The following GALK2 variants were observed in gnomAD, a reference collection of about 807,000 sequenced individuals.
GALK2 encodes N-acetylgalactosamine kinase.
In GALK2, 36 loss-of-function variants were observed where a neutral mutation model predicts 52.4. That is an observed-to-expected ratio of 0.69 (90% CI 0.53 to 0.91). The LOEUF (loss-of-function observed/expected upper bound fraction) is 0.91, where lower values mean the gene tolerates loss of function less well. Ranked by LOEUF, GALK2 falls within the 40% of genes least tolerant of loss-of-function variation. The pLI is 0.00. For synonymous variants in GALK2, 176 were observed against 199.1 expected, an observed-to-expected ratio of 0.88 and a Z score of 0.98; for missense variants, 579 against 559.1, an observed-to-expected ratio of 1.04 and a Z score of -0.36.
In GALK2 at chr15:49,328,818, C is replaced by G; in HGVS notation, c.*659C>G. Reference sequence around the variant, plus strand: ...AAAAGGAGGATACAGGAAGAAAATTCAGACTCATTTGAATATTTGTAAACC... The same window carrying G: ...AAAAGGAGGATACAGGAAGAAAATTGAGACTCATTTGAATATTTGTAAACC... On this transcript the variant is annotated 3_prime_UTR_variant, in exon 10 of 10. Coordinates refer to ENST00000560031, the MANE Select transcript of GALK2 (RefSeq NM_002044.4). The G allele has an allele frequency of 7.1e-7, 1 of 1,412,220 alleles. No individual in the cohort carries two copies. The highest frequency in any genetic ancestry group is 2.5e-5 in the East Asian group (1 of 39,854). The allele number at this position is 1,412,220 out of a possible 1,614,324, so 87.5% of individuals were successfully genotyped here.
chr15:49,292,577 C>A, intron 8 of GALK2, 40 bp downstream of exon 8: 1 of 1,511,642 alleles, frequency 6.6e-7, no homozygotes. Context: ...GTTATTCCCT[C>A]ACTTACAGCT....
chr15:49,328,455 A>T lies in GALK2; in HGVS notation c.*296A>T. On this transcript the variant is annotated 3_prime_UTR_variant, in exon 10 of 10. Coordinates refer to ENST00000560031, the MANE Select transcript of GALK2 (RefSeq NM_002044.4). ...ATTTTAAAGATGAATGGTAAAACACACTCTTAATACTGATTACATGGATTG... is the reference window on the plus strand; with the variant it reads ...ATTTTAAAGATGAATGGTAAAACACTCTCTTAATACTGATTACATGGATTG... The T allele has an allele frequency of 1.4e-6, 2 of 1,467,072 alleles. No individual in the cohort carries two copies. The highest frequency in any genetic ancestry group is 9.0e-7 in the Non-Finnish European group (1 of 1,109,224). 90.9% of individuals were successfully genotyped at this position (1,467,072 alleles called of 1,614,324 possible).
intron 1 of GALK2, among the ~76,000 whole-genome samples, chr15:49,171,095 T>C (rs200115855): frequency 0.058 from 8,731 of 149,270 alleles, 530 homozygotes; most frequent in African/African-American, 0.14. Flanking sequence ...TTTTTTTTTT[T>C]TTTTGAGACG....
chr15:49,226,033 T>C (rs2090113445), intron 3 of GALK2, among the ~76,000 whole-genome samples: 1 of 152,228 alleles, frequency 6.6e-6, no homozygotes, highest in Admixed American at 6.5e-5. Flanking sequence ...AAGTCAGCCC[T>C]GTTCTCTTGA....
intron 1 of GALK2, among the ~76,000 whole-genome samples, chr15:49,190,907 A>G (rs2086680867): frequency 6.6e-6 from 1 of 152,102 alleles, no homozygotes; most frequent in South Asian, 2.1e-4. Flanking sequence ...GTCTCTCTGA[A>G]TCTACTGTGA....
At chr15:49,191,135 A>G (rs2086694426) in intron 1 of GALK2, among the ~76,000 whole-genome samples, 1 of 152,178 alleles carries the variant, frequency 6.6e-6, no homozygotes, top group Non-Finnish European at 1.5e-5. Context: ...AAAGCAGAAA[A>G]AAGAACAAAA....
intron 7 of GALK2, 71 bp from the exon 8 acceptor site, chr15:49,292,256 T>G (rs539838055): frequency 7.4e-7 from 1 of 1,358,426 alleles, no homozygotes; most frequent in East Asian, 2.3e-5. Context: ...TAACGTTGAA[T>G]CTGGCTAATT....
chr15:49,291,446 A>G (rs1431390092), intron 7 of GALK2, among the ~76,000 whole-genome samples: 1 of 152,188 alleles, frequency 6.6e-6, no homozygotes, highest in Non-Finnish European at 1.5e-5. Context: ...AGAGTAAATC[A>G]GATGCACATT....
At chr15:49,354,994 C>A (rs1407836057) in intron 3 of GALK2, among the ~76,000 whole-genome samples, 2 of 151,284 alleles carry the variant, frequency 1.3e-5, no homozygotes, top group Non-Finnish European at 2.9e-5. Context: ...ACACCTCACA[C>A]GGCAGGGTAC....
chr15:49,254,808 G>A (rs1241203776), intron 5 of GALK2, among the ~76,000 whole-genome samples: 2 of 144,140 alleles, frequency 1.4e-5, no homozygotes, highest in African/African-American at 5.0e-5. Flanking sequence ...CCTATTGACA[G>A]CGATGTTACA....
At chr15:49,260,648 A>G (rs1274909446) in intron 5 of GALK2, among the ~76,000 whole-genome samples, 3 of 148,712 alleles carry the variant, frequency 2.0e-5, no homozygotes, top group South Asian at 2.2e-4. Context: ...GCCCATGCCT[A>G]TGTCCTGAAT....
chr15:49,159,837 G>C (rs1413803392), intron 1 of GALK2, among the ~76,000 whole-genome samples: 1 of 152,058 alleles, frequency 6.6e-6, no homozygotes, highest in Non-Finnish European at 1.5e-5. Flanking sequence ...CCCATTATCA[G>C]CTTTGATTGT....
chr15:49,296,748 TG>T (rs1367278571), intron 8 of GALK2, among the ~76,000 whole-genome samples: 1 of 152,054 alleles, frequency 6.6e-6, no homozygotes, highest in Non-Finnish European at 1.5e-5. Flanking sequence ...TATAGGCACC[TG>T]CCACTACGCC....
At position 49,285,908 on chromosome 15, in the gene GALK2, A is replaced by G. The variant is rs145943708; in HGVS notation, c.756+2190A>G. ...CCATATCACGACCTGGAGAGCCACC[A>G]TATCTGAGACCTGTGCACCTCATCC... On this transcript the variant is annotated intron_variant, in intron 7 of 9. Coordinates refer to ENST00000560031, the MANE Select transcript of GALK2 (RefSeq NM_002044.4). Among the ~76,000 whole-genome samples the G allele has an allele frequency of 4.6e-5, 7 of 152,264 alleles. No homozygotes were observed. The East Asian group carries it at 1.4e-3, about 29-fold the overall frequency.
At chr15:49,310,846 C>T (rs1450186120) in intron 8 of GALK2, among the ~76,000 whole-genome samples, 1 of 152,084 alleles carries the variant, frequency 6.6e-6, no homozygotes, top group Non-Finnish European at 1.5e-5. Context: ...GTTGTCTCTT[C>T]ACTCTATTGA....
chr15:49,187,329 G>A (rs1228374226), intron 1 of GALK2, among the ~76,000 whole-genome samples: 1 of 152,182 alleles, frequency 6.6e-6, no homozygotes, highest in Non-Finnish European at 1.5e-5. Flanking sequence ...GGAGTTAGGG[G>A]ATGGGAGACA....
chr15:49,180,103 A>G (rs905824562), intron 1 of GALK2, among the ~76,000 whole-genome samples: 1 of 152,192 alleles, frequency 6.6e-6, no homozygotes, highest in East Asian at 1.9e-4. Flanking sequence ...TTCCCAAGGA[A>G]GTCTAGGAAA....
intron 5 of GALK2, among the ~76,000 whole-genome samples, chr15:49,245,861 GT>G (rs1433072277): frequency 6.6e-6 from 1 of 152,096 alleles, no homozygotes; most frequent in Non-Finnish European, 1.5e-5. Context: ...CATGAAAAAT[GT>G]TTAAACCAAT....
At chr15:49,360,452 A>C (rs1207256428) in intron 3 of GALK2, among the ~76,000 whole-genome samples, 1 of 152,136 alleles carries the variant, frequency 6.6e-6, no homozygotes, top group Non-Finnish European at 1.5e-5. Context: ...TTTGGCTCTG[A>C]GTTTTCAATT....
Sources: gnomAD v4.1 joint callset for allele counts (sites outside exome capture counted in the v4.1 genomes callset) on GRCh38, gnomAD v4.1.1 for gene constraint, MANE v1.5 for transcripts, NCBI Gene and HGNC (gene_info 2026-07-23, HGNC 2026-07-21) for gene names.